Variants in DENND4A observed in about 807,000 individuals in gnomAD.
DENND4A encodes C-myc promoter-binding protein.
A neutral mutation model predicts 199.3 loss-of-function variants in DENND4A; 70 were observed. That is an observed-to-expected ratio of 0.35 (90% confidence interval 0.29 to 0.43). The LOEUF is 0.43. Among genes scored for constraint, DENND4A ranks in the 20% least tolerant of loss-of-function variants. The pLI, the probability that DENND4A is intolerant of heterozygous loss-of-function variation, is 1.00. For synonymous variants in DENND4A, 686 were observed against 766.9 expected (o/e 0.89, Z 1.74); for missense variants, 1,723 against 2,255.8 (o/e 0.76, Z 4.78).
intron 23 of DENND4A, among the ~76,000 whole-genome samples, chr15:65,684,796 T>G (rs2076699591): frequency 6.6e-6 from 1 of 151,916 alleles, no homozygotes; most frequent in Admixed American, 6.6e-5. Context: ...CTTAAAAGAT[T>G]TTCTTCCTAT....
chr15:65,665,942 T>C (rs1380108895), intron 29 of DENND4A, among the ~76,000 whole-genome samples: 2 of 152,150 alleles, frequency 1.3e-5, no homozygotes, highest in East Asian at 3.9e-4. Flanking sequence ...TGGCAGTATA[T>C]GAAAAAGTAA....
chr15:65,720,118 C>A (rs11634780), intron 12 of DENND4A, among the ~76,000 whole-genome samples: 1,881 of 152,204 alleles, frequency 0.012, 21 homozygotes, highest in Middle Eastern at 0.058. Flanking sequence ...TGATAACTGG[C>A]AAAACCTGAA....
Position 65,665,391 on chromosome 15 carries a change from T to G in DENND4A, c.5313A>C (p.Leu1771Phe). Residue 1771 changes from leucine to phenylalanine, a missense_variant, in exon 30 of 33, where the codon TTA (leucine) becomes TTC (phenylalanine). Coordinates refer to ENST00000443035, the MANE Select transcript of DENND4A (RefSeq NM_001320835.1). ...LIQMLWDNMK[L>F]HQDPGQPLYI... is the part of the protein sequence containing the mutation. Reference sequence around the variant, plus strand: ...ACAAGGGCTGTCCCGGATCCTGATGTAACTTCATATTGTCCCATAACATTT... The same window carrying G: ...ACAAGGGCTGTCCCGGATCCTGATGGAACTTCATATTGTCCCATAACATTT... The G allele has an allele frequency of 6.2e-7, 1 of 1,613,850 alleles. No individual in the cohort carries two copies. The highest frequency in any genetic ancestry group is 8.5e-7 in the Non-Finnish European group (1 of 1,179,764).
At chr15:65,736,189 T>C (rs1471115433) in intron 7 of DENND4A, among the ~76,000 whole-genome samples, 1 of 152,176 alleles carries the variant, frequency 6.6e-6, no homozygotes, top group Non-Finnish European at 1.5e-5. Context: ...AAATGACCAA[T>C]GCACAATGCT....
In DENND4A at chr15:65,729,082, T is replaced by C; in HGVS notation, c.1477A>G (p.Thr493Ala). 6 of 1,584,158 alleles carry C rather than the reference T, an allele frequency of 3.8e-6. No individual in the cohort carries two copies. The highest frequency in any genetic ancestry group is 3.4e-6 in the Non-Finnish European group (4 of 1,163,316). Residue 493 changes from threonine to alanine, a missense_variant, in exon 11 of 33, where the codon ACT becomes GCT. Physicochemically the swap from Thr to Ala is moderately conservative, Grantham distance 58. This residue lies in a region of DENND4A where 725 missense variants were observed against 952.9 expected (regional missense o/e 0.76). Transcript: ENST00000443035. ...DVSCVDVDTN[T>A]ISQIGDKKNV... is the part of the protein sequence containing the mutation. ...CTAAAATGTACTTACTGAGAAATAG[T>C]GTTGGTATCTACATCAACACAACTG...
intron 22 of DENND4A, among the ~76,000 whole-genome samples, chr15:65,695,148 G>T (rs2142111934): frequency 6.6e-6 from 1 of 152,240 alleles, no homozygotes; most frequent in South Asian, 2.1e-4. Flanking sequence ...TGCAAAATAA[G>T]AGTTATAGGT....
At chr15:65,708,787 C>T (rs1480694686) in intron 14 of DENND4A, among the ~76,000 whole-genome samples, 1 of 152,170 alleles carries the variant, frequency 6.6e-6, no homozygotes, top group Admixed American at 6.5e-5. Context: ...ATTTGTTACA[C>T]AAAACTGCCT....
intron 29 of DENND4A, among the ~76,000 whole-genome samples, chr15:65,666,156 A>T (rs2076029935): frequency 6.6e-6 from 1 of 152,196 alleles, no homozygotes; most frequent in African/African-American, 2.4e-5. Flanking sequence ...GATAGTACCG[A>T]ACCCTATATA....
At chr15:65,742,659 G>A (rs1398520468) in intron 4 of DENND4A, among the ~76,000 whole-genome samples, 1 of 152,100 alleles carries the variant, frequency 6.6e-6, no homozygotes, top group East Asian at 1.9e-4. Flanking sequence ...GGCTGGTCTC[G>A]AACTCCTGAC....
At chr15:65,704,602 T>A (rs145457225) in intron 15 of DENND4A, among the ~76,000 whole-genome samples, 4 of 152,140 alleles carry the variant, frequency 2.6e-5, no homozygotes, top group Non-Finnish European at 5.9e-5. Flanking sequence ...ATAATGTGGT[T>A]TTTTTGGAGA....
chr15:65,718,473 C>T lies in DENND4A; in HGVS notation c.1589-477G>A, dbSNP rs563440274. Among the ~76,000 whole-genome samples, 3 of 152,146 alleles carry T rather than the reference C, an allele frequency of 2.0e-5. No homozygotes were observed. In the South Asian group the frequency reaches 6.2e-4, roughly 32 times the overall value. Reference sequence around the variant, plus strand: ...TAAATATATATCACTCATAGGCTCACCAAGTATTGGCATTGTTCAGAAAGA... The same window carrying T: ...TAAATATATATCACTCATAGGCTCATCAAGTATTGGCATTGTTCAGAAAGA... On this transcript the variant is annotated intron_variant, in intron 12 of 32. Transcript: ENST00000443035.
At chr15:65,723,137 T>C (rs1252477978) in intron 11 of DENND4A, among the ~76,000 whole-genome samples, 189 bp from the exon 12 acceptor site, 1 of 152,182 alleles carries the variant, frequency 6.6e-6, no homozygotes, top group Admixed American at 6.5e-5. Flanking sequence ...CAAAAATTAA[T>C]TTGTATGAGG....
chr15:65,711,086 C>A (rs2075235962), intron 14 of DENND4A, among the ~76,000 whole-genome samples: 2 of 152,096 alleles, frequency 1.3e-5, no homozygotes, highest in Admixed American at 1.3e-4. Flanking sequence ...CAAGAAGGGC[C>A]TAACAGAAGT....
intron 27 of DENND4A, among the ~76,000 whole-genome samples, chr15:65,669,010 C>T (rs1157052209): frequency 6.6e-6 from 1 of 152,010 alleles, no homozygotes; most frequent in Non-Finnish European, 1.5e-5. Context: ...TTCTATATAG[C>T]AGAAAGCACA....
intron 1 of DENND4A, among the ~76,000 whole-genome samples, chr15:65,764,958 C>T (rs564285820): frequency 1.2e-4 from 17 of 136,144 alleles, no homozygotes; most frequent in Admixed American, 1.6e-4. Context: ...GGTGACAGAG[C>T]GAGACCCTGT....
At chr15:65,676,330 C>T in intron 24 of DENND4A, 115 bp downstream of exon 24, 1 of 975,146 alleles carries the variant, frequency 1.0e-6, no homozygotes, top group Non-Finnish European at 1.4e-6. Context: ...TGGAACTATA[C>T]AAATTGTTTA....
chr15:65,761,871 A>G (rs899462793), intron 1 of DENND4A, among the ~76,000 whole-genome samples: 2 of 151,986 alleles, frequency 1.3e-5, no homozygotes, highest in African/African-American at 4.8e-5. Context: ...ACTTCCATAT[A>G]AAAAAAAGTT....
chr15:65,664,946 A>G, intron 30 of DENND4A: 1 of 492,630 alleles, frequency 2.0e-6, no homozygotes, highest in Non-Finnish European at 3.5e-6. Context: ...ATAACTAAGA[A>G]TATTGTTTCC....
rs1254540894 is a variant in DENND4A at position 65,690,575 on chromosome 15, T to G, written c.4019A>C (p.Gln1340Pro). Residue 1340 changes from glutamine (Q) to proline (P), a missense_variant, in exon 23 of 33, where the codon CAG becomes CCG. Physicochemically the swap from Gln to Pro is moderately conservative, Grantham distance 76 (BLOSUM62 -1). Coordinates refer to ENST00000443035, the MANE Select transcript of DENND4A (RefSeq NM_001320835.1). The stretch of plus-strand genomic sequence containing the variant: ...AGGTGATGAGTGGGTTAATGTATCC[T>G]GAGATTCTTCCCTAAATGGGCAAGT... ...SPTCPFREES[Q>P]DTLTHSSPSF... The G allele has an allele frequency of 1.9e-6, 3 of 1,613,592 alleles. No individual in the cohort carries two copies. Among genetic ancestry groups the G allele is most frequent in the Non-Finnish European group, 2.5e-6 (3 of 1,179,748 alleles).
Sources: allele counts gnomAD v4.1 joint callset (sites outside exome capture counted in the v4.1 genomes callset), GRCh38; gene constraint gnomAD v4.1.1; regional missense constraint gnomAD v4.1.1; transcripts MANE v1.5; gene names NCBI Gene and HGNC (gene_info 2026-07-23, HGNC 2026-07-21).